Variants in CNOT4 observed in about 807,000 individuals in gnomAD.
CNOT4 encodes CCR4-NOT transcription complex subunit 4.
A neutral mutation model predicts 73.8 loss-of-function variants in CNOT4; 8 were observed. That is an observed-to-expected ratio of 0.11 (90% CI 0.06 to 0.20). CNOT4 has a LOEUF of 0.20. Among genes scored for constraint, CNOT4 ranks in the 10% least tolerant of loss-of-function variants. CNOT4 has a pLI of 1.00. For missense variants in CNOT4, 564 were observed against 883.4 expected (o/e 0.64, Z 4.58); for synonymous variants, 293 against 321.1 (o/e 0.91, Z 0.94).
At chr7:135,396,704 T>G (rs989711065) in intron 8 of CNOT4, among the ~76,000 whole-genome samples, 40 of 151,474 alleles carry the variant, frequency 2.6e-4, no homozygotes, top group African/African-American at 8.8e-4. Context: ...ATTGAAAGAC[T>G]TGAGTGGTAC....
intron 4 of CNOT4, among the ~76,000 whole-genome samples, chr7:135,414,636 TAAG>T (rs1797751423): frequency 6.6e-6 from 1 of 152,114 alleles, no homozygotes; most frequent in Non-Finnish European, 1.5e-5. Context: ...TATCTGATTT[TAAG>T]AATACTGTAA....
At chr7:135,396,107 C>CTTTTTTTT (rs71174519) in intron 8 of CNOT4, among the ~76,000 whole-genome samples, 8 of 95,436 alleles carry the variant, frequency 8.4e-5, no homozygotes, top group African/African-American at 2.3e-4. Context: ...ACTAGTCTCC[C>CTTTTTTTT]TTTTTTTTTT....
intron 8 of CNOT4, among the ~76,000 whole-genome samples, chr7:135,397,056 A>G (rs1175570717): frequency 6.6e-6 from 1 of 152,182 alleles, no homozygotes; most frequent in African/African-American, 2.4e-5. Context: ...TGGCATTTGA[A>G]GTCTGTGACC....
intron 7 of CNOT4, among the ~76,000 whole-genome samples, chr7:135,403,903 A>G (rs563184258): frequency 1.3e-5 from 2 of 152,328 alleles, no homozygotes; most frequent in East Asian, 3.9e-4. Flanking sequence ...AATGTTTTTA[A>G]AAGATTTATA....
chr7:135,455,846 C>A (rs1228501529), intron 1 of CNOT4, among the ~76,000 whole-genome samples: 7 of 152,058 alleles, frequency 4.6e-5, no homozygotes, highest in African/African-American at 1.7e-4. Context: ...CCAGCCTGGG[C>A]AACAGAGCAA....
At chr7:135,435,083 C>T (rs2696881) in intron 2 of CNOT4, among the ~76,000 whole-genome samples, 94,613 of 151,928 alleles carry the variant, frequency 0.62, 29,621 homozygotes, top group East Asian at 0.76. Context: ...ATGAAAATAC[C>T]GGTATTAATT....
chr7:135,427,847 G>A (rs573306487), intron 2 of CNOT4, among the ~76,000 whole-genome samples: 1 of 151,998 alleles, frequency 6.6e-6, no homozygotes, highest in East Asian at 1.9e-4. Context: ...AAAATTCAGA[G>A]CCTAAACAGA....
At chr7:135,466,045 T>C (rs981274355) in intron 1 of CNOT4, among the ~76,000 whole-genome samples, 1 of 152,046 alleles carries the variant, frequency 6.6e-6, no homozygotes, top group African/African-American at 2.4e-5. Flanking sequence ...CGAGACTCCA[T>C]CTCAAATAAT....
At chr7:135,391,040 TCAGGTGCAAGTGAGTTAGAA>T (rs1251402308) in intron 10 of CNOT4, among the ~76,000 whole-genome samples, 48 of 152,088 alleles carry the variant, frequency 3.2e-4, no homozygotes, top group Non-Finnish European at 6.0e-4. Flanking sequence ...ATAGTTCAAC[TCAGGTGCAAGTGAGTTAGAA>T]CAGGTGCAAG....
At chr7:135,385,143 C>T (rs1796058885) in intron 10 of CNOT4, among the ~76,000 whole-genome samples, 1 of 152,184 alleles carries the variant, frequency 6.6e-6, no homozygotes, top group African/African-American at 2.4e-5. Context: ...AATCTATTAC[C>T]CCATTACTGT....
chr7:135,435,005 C>A (rs553051749), intron 2 of CNOT4, among the ~76,000 whole-genome samples: 1 of 152,226 alleles, frequency 6.6e-6, no homozygotes, highest in Admixed American at 6.5e-5. Context: ...GAGAGCTCTC[C>A]TTTCAAAGTT....
intron 1 of CNOT4, among the ~76,000 whole-genome samples, chr7:135,506,650 C>T (rs2129488402): frequency 6.6e-6 from 1 of 152,080 alleles, no homozygotes; most frequent in Admixed American, 6.6e-5. Flanking sequence ...GAGTTCAAGA[C>T]CAGCCTGACC....
intron 10 of CNOT4, among the ~76,000 whole-genome samples, chr7:135,383,244 A>C (rs998863050): frequency 6.6e-6 from 1 of 152,198 alleles, no homozygotes; most frequent in Admixed American, 6.5e-5. Flanking sequence ...TCCAGTTTGC[A>C]AGTGAGCTTG....
intron 1 of CNOT4, among the ~76,000 whole-genome samples, chr7:135,493,520 CTG>C (rs1236683624): frequency 2.0e-5 from 3 of 152,156 alleles, no homozygotes; most frequent in African/African-American, 7.2e-5. Context: ...TGATGATAGA[CTG>C]TGAATTCCAC....
At chr7:135,445,668 G>A (rs28670980) in intron 1 of CNOT4, among the ~76,000 whole-genome samples, 11,400 of 151,968 alleles carry the variant, frequency 0.075, 513 homozygotes, top group Middle Eastern at 0.13. Flanking sequence ...TGTTATTTTC[G>A]CACAATGGGA....
intron 1 of CNOT4, among the ~76,000 whole-genome samples, chr7:135,452,599 G>C (rs1281084562): frequency 6.6e-6 from 1 of 152,098 alleles, no homozygotes; most frequent in Non-Finnish European, 1.5e-5. Context: ...GAAAATAGCA[G>C]TGTCTGTCAC....
chr7:135,495,844 G>T (rs1245640089), intron 1 of CNOT4, among the ~76,000 whole-genome samples: 1 of 151,976 alleles, frequency 6.6e-6, no homozygotes, highest in African/African-American at 2.4e-5. Flanking sequence ...CAAGGTGGGA[G>T]GATTGCTTGA....
intron 2 of CNOT4, among the ~76,000 whole-genome samples, chr7:135,427,167 G>A (rs1798554131): frequency 6.6e-6 from 1 of 152,108 alleles, no homozygotes; most frequent in South Asian, 2.1e-4. Flanking sequence ...GCAGTTTCTA[G>A]TGTAATTACT....
intron 1 of CNOT4, among the ~76,000 whole-genome samples, chr7:135,493,587 A>AAT (rs1459788187): frequency 6.6e-6 from 1 of 152,154 alleles, no homozygotes; most frequent in African/African-American, 2.4e-5. Flanking sequence ...AAAAATAGTA[A>AAT]ATACACCAAA....
Sources: allele counts gnomAD v4.1 joint callset (sites outside exome capture counted in the v4.1 genomes callset), GRCh38; gene constraint gnomAD v4.1.1; transcripts MANE v1.5; gene names NCBI Gene and HGNC (gene_info 2026-07-23, HGNC 2026-07-21).